Variants in PTPRN2 observed in about 807,000 individuals in gnomAD.
PTPRN2 encodes the protein receptor-type tyrosine-protein phosphatase N2.
In PTPRN2, 74 loss-of-function variants were observed where a neutral mutation model predicts 118.8. The ratio of observed to expected loss-of-function variants is 0.62; its 90% CI spans 0.52 to 0.76. The LOEUF (loss-of-function observed/expected upper bound fraction) is 0.76. Among genes scored for constraint, PTPRN2 ranks in the 30% least tolerant of loss-of-function variants. The pLI, the probability that PTPRN2 is intolerant of heterozygous loss-of-function variation, is 0.00. For missense variants in PTPRN2, 1,481 were observed against 1,394.4 expected (o/e 1.06, Z -0.99); for synonymous variants, 641 against 608.0 (o/e 1.05, Z -0.80).
chr7:158,153,203 C>T (rs1325054132), intron 6 of PTPRN2, among the ~76,000 whole-genome samples: 1 of 152,206 alleles, frequency 6.6e-6, no homozygotes, highest in Non-Finnish European at 1.5e-5. Context: ...GGAAAATCAT[C>T]TCCCTTCTGG....
intron 6 of PTPRN2, among the ~76,000 whole-genome samples, chr7:158,150,763 G>A (rs1054298160): frequency 5.9e-5 from 9 of 151,866 alleles, no homozygotes; most frequent in East Asian, 1.9e-4. Context: ...GTGAGACGCT[G>A]CGTATCTGCA....
In PTPRN2 at chr7:157,964,593, G is replaced by A. The variant is rs926110081; in HGVS notation, c.1724-65856C>T. Reference sequence around the variant, plus strand: ...CGTGCAGGCCACAACACAGGAGCAGGTGCAGCAGGGCCCTTGAGTCTGTCT... The same window carrying A: ...CGTGCAGGCCACAACACAGGAGCAGATGCAGCAGGGCCCTTGAGTCTGTCT... On this transcript the variant is annotated intron_variant, in intron 11 of 22. Coordinates refer to ENST00000389418, the MANE Select transcript of PTPRN2 (RefSeq NM_002847.5). This position sits in a 1 kb window ranked among gnomAD's most constrained non-coding sequence, Gnocchi z 9.0. Among the ~76,000 whole-genome samples, 5 of 152,322 alleles carry A rather than the reference G, an allele frequency of 3.3e-5. No individual in the cohort carries two copies. Among genetic ancestry groups the A allele is most frequent in the Non-Finnish European group, 5.9e-5 (4 of 68,018 alleles).
In PTPRN2 at chr7:157,721,561, G is replaced by C. The variant is rs935431704; in HGVS notation, c.1789-38624C>G. On this transcript the variant is annotated intron_variant, in intron 12 of 22. Coordinates refer to ENST00000389418, the MANE Select transcript of PTPRN2 (RefSeq NM_002847.5). Reference sequence around the variant, plus strand: ...TCCCACCAGCAGGAGCCACAGCACCGCTGTCTGTTCCCACCGATGCCCAGT... The same window carrying C: ...TCCCACCAGCAGGAGCCACAGCACCCCTGTCTGTTCCCACCGATGCCCAGT... Among the ~76,000 whole-genome samples the C allele has an allele frequency of 2.0e-5, 3 of 152,196 alleles. No homozygotes were observed. In the East Asian group the frequency reaches 5.8e-4, roughly 29 times the overall value.
At chr7:158,385,941 C>T (rs1295155477) in intron 2 of PTPRN2, among the ~76,000 whole-genome samples, 1 of 150,532 alleles carries the variant, frequency 6.6e-6, no homozygotes, top group East Asian at 2.0e-4. Flanking sequence ...AGTCCCTCCT[C>T]CTGTGCTCTG....
chr7:158,404,921 CT>C (rs1475273722), intron 2 of PTPRN2, among the ~76,000 whole-genome samples: 11 of 134,858 alleles, frequency 8.2e-5, no homozygotes, highest in Non-Finnish European at 1.6e-4. Context: ...AGCTCCCTGG[CT>C]CCCAGCTCCC....
chr7:157,960,303 C>T lies in PTPRN2; in HGVS notation c.1724-61566G>A, dbSNP rs117883701. Among the ~76,000 whole-genome samples, 386 of 152,262 alleles carry T rather than the reference C, an allele frequency of 2.5e-3. 16 individuals carry two copies. The East Asian group carries it at 0.061, about 24-fold the overall frequency. On this transcript the variant is annotated intron_variant, in intron 11 of 22. Coordinates refer to ENST00000389418, the MANE Select transcript of PTPRN2 (RefSeq NM_002847.5). ...ATGTACTTAATGCCACTGAATTGTA[C>T]AGGTGAAAATAGTTAAAATGGTAAA...
At chr7:157,837,717 T>C (rs966552291) in intron 12 of PTPRN2, among the ~76,000 whole-genome samples, 1 of 152,158 alleles carries the variant, frequency 6.6e-6, no homozygotes, top group Non-Finnish European at 1.5e-5. Flanking sequence ...GGACACAGTG[T>C]ATCCAGCCTC....
chr7:158,146,143 G>C (rs1219763935), intron 6 of PTPRN2, among the ~76,000 whole-genome samples: 2 of 152,034 alleles, frequency 1.3e-5, no homozygotes, highest in Non-Finnish European at 1.5e-5. Context: ...TGATCCTCAG[G>C]TGAGAAGTGA....
At chr7:158,428,927 G>A (rs996655436) in intron 2 of PTPRN2, among the ~76,000 whole-genome samples, 2 of 152,164 alleles carry the variant, frequency 1.3e-5, no homozygotes, top group Admixed American at 1.3e-4. Context: ...CCTGGTGCCG[G>A]GACAGCCTTA....
chr7:158,425,415 G>T (rs1427345613), intron 2 of PTPRN2, among the ~76,000 whole-genome samples: 3 of 30,546 alleles, frequency 9.8e-5, no homozygotes, highest in Admixed American at 3.1e-4. Context: ...AAAGACGCGG[G>T]GTCCGAGACC....
Position 158,361,207 on chromosome 7 carries a change from C to G in PTPRN2, c.164-44275G>C, listed in dbSNP as rs1214241252. Among the ~76,000 whole-genome samples, 40 of 9,022 alleles carry G rather than the reference C, an allele frequency of 4.4e-3. 17 individuals are homozygous for G. Among genetic ancestry groups the G allele is most frequent in the African/African-American group, 0.018 (12 of 676 alleles). 5.9% of individuals were successfully genotyped at this position (9,022 alleles called of 152,430 possible). On this transcript the variant is annotated intron_variant, in intron 2 of 22. Transcript: ENST00000389418. Reference sequence around the variant, plus strand: ...TGCGCAGACCCCACACCCTGGCAACCCACAGACCCCGCGTCCACCCTCACC... The same window carrying G: ...TGCGCAGACCCCACACCCTGGCAACGCACAGACCCCGCGTCCACCCTCACC...
intron 14 of PTPRN2, among the ~76,000 whole-genome samples, chr7:157,651,001 G>T (rs553401569): frequency 4.5e-4 from 69 of 152,352 alleles, no homozygotes; most frequent in Admixed American, 2.8e-3. Flanking sequence ...GCCGTGAGCC[G>T]TGTGGGTCTG....
intron 11 of PTPRN2, among the ~76,000 whole-genome samples, chr7:158,062,110 G>T (rs933395085): frequency 6.6e-6 from 1 of 152,260 alleles, no homozygotes; most frequent in Admixed American, 6.5e-5. Context: ...TCAGTAAAGC[G>T]ACGGGCGACG....
At position 157,958,037 on chromosome 7, in the gene PTPRN2, C is replaced by T. The variant is rs57728657; in HGVS notation, c.1724-59300G>A. Among the ~76,000 whole-genome samples, 8 of 152,210 alleles carry T rather than the reference C, an allele frequency of 5.3e-5. No homozygotes were observed. The East Asian group carries it at 9.6e-4, about 18-fold the overall frequency. On this transcript the variant is annotated intron_variant, in intron 11 of 22. Coordinates refer to ENST00000389418, the MANE Select transcript of PTPRN2 (RefSeq NM_002847.5). The stretch of plus-strand genomic sequence containing the variant: ...TCGGAAGTTCAGAAGCATATTAAAA[C>T]GATTGCTGTACCATGACCAAGTGGG...
chr7:158,129,891 C>A (rs1055382755), intron 9 of PTPRN2, among the ~76,000 whole-genome samples: 2 of 152,106 alleles, frequency 1.3e-5, no homozygotes, highest in African/African-American at 4.8e-5. Context: ...CAGACAGACA[C>A]GTGGGACGCC....
At chr7:157,726,348 C>G (rs1343039989) in intron 12 of PTPRN2, among the ~76,000 whole-genome samples, 3 of 149,188 alleles carry the variant, frequency 2.0e-5, no homozygotes, top group Non-Finnish European at 4.4e-5. Flanking sequence ...TGTGGCCATA[C>G]CCTCGCCTCC....
At chr7:158,407,204 C>T (rs1813578949) in intron 2 of PTPRN2, among the ~76,000 whole-genome samples, 5 of 31,620 alleles carry the variant, frequency 1.6e-4, no homozygotes, top group South Asian at 1.6e-3. Flanking sequence ...GTCCTGGGTC[C>T]TGGGTCCTGC....
intron 2 of PTPRN2, among the ~76,000 whole-genome samples, chr7:158,333,183 C>T (rs1195917251): frequency 9.0e-6 from 1 of 110,692 alleles, no homozygotes; most frequent in South Asian, 2.7e-4. Context: ...GTCACTCAAA[C>T]CCACACTCTC....
At chr7:158,155,494 C>T (rs1013094202) in intron 6 of PTPRN2, among the ~76,000 whole-genome samples, 50 of 138,456 alleles carry the variant, frequency 3.6e-4, no homozygotes, top group Non-Finnish European at 5.5e-4. Flanking sequence ...TCATCACCAT[C>T]ACCATCATCA....
Sources: gnomAD v4.1 joint callset for allele counts (sites outside exome capture counted in the v4.1 genomes callset) on GRCh38, gnomAD v4.1.1 for gene constraint, Gnocchi (gnomAD v3.1) non-coding constraint, MANE v1.5 for transcripts, NCBI Gene and HGNC (gene_info 2026-07-23, HGNC 2026-07-21) for gene names.